LRP3: variants seen among roughly 807,000 people sequenced by gnomAD.
The protein encoded by LRP3 is LDL receptor related protein 3, also known as low-density lipoprotein receptor-related protein 3.
A neutral mutation model predicts 58.5 loss-of-function variants in LRP3; 49 were observed. The ratio of observed to expected loss-of-function variants is 0.84; its 90% CI spans 0.67 to 1.06. The LOEUF is 1.06. Among genes scored for constraint, LRP3 ranks in the 50% least tolerant of loss-of-function variants. LRP3 has a pLI of 0.00. For missense variants in LRP3, 1,019 were observed against 1,134.2 expected (o/e 0.90, Z 1.46); for synonymous variants, 485 against 492.2 (o/e 0.99, Z 0.20).
At position 33,205,932 on chromosome 19, in the gene LRP3, G is replaced by A. The variant is rs754689112; in HGVS notation, c.1162G>A (p.Asp388Asn). ...TGACAGTGACGGGGGCAGCCTGGGC[G>A]ACCAGGGCTGCTTCTCAGAGCCACA... ...SSDSDGGSLG[D>N]QGCFSEPQRC... Residue 388 changes from aspartate to asparagine, a missense_variant, in exon 5 of 7, where the codon GAC (aspartate) becomes AAC (asparagine). By Grantham distance (23) the Asp-to-Asn change is conservative. Around this residue, in one of 2 missense-constraint regions of LRP3, gnomAD observed 592 missense variants for 725.5 expected, o/e 0.82. Transcript: ENST00000253193. The A allele has an allele frequency of 1.1e-5, 17 of 1,597,474 alleles. No individual in the cohort carries two copies. The East Asian group carries it at 2.9e-4, about 28-fold the overall frequency.
chr19:33,208,324 T>C lies in LRP3; in HGVS notation c.*749T>C. The C allele has an allele frequency of 5.8e-6, 1 of 172,120 alleles. No individual in the cohort carries two copies. The highest frequency in any genetic ancestry group is 1.3e-5 in the Non-Finnish European group (1 of 79,192). 10.7% of individuals were successfully genotyped at this position (172,120 alleles called of 1,614,324 possible). On this transcript the variant is annotated 3_prime_UTR_variant, in exon 7 of 7. Coordinates refer to ENST00000253193, the MANE Select transcript of LRP3 (RefSeq NM_002333.4). The surrounding 1 kb of genome is among the most constrained non-coding windows in gnomAD (Gnocchi z 4.7). ...TAAGCCAGGGTGAGACTGTGGGCTC[T>C]GAAGTCCTGACCTTCACTCTGTGGT...
rs551470679 is a variant in LRP3, at chr19:33,205,199, G to A, written c.476-47G>A. On this transcript the variant is annotated intron_variant, in intron 4 of 6. Transcript: ENST00000253193. ...GCCCCAGGCCCCCTGGCCGAAGGGAGGCTCTTCTGTCTCCTGACTGTCCCC... is the reference window on the plus strand; with the variant it reads ...GCCCCAGGCCCCCTGGCCGAAGGGAAGCTCTTCTGTCTCCTGACTGTCCCC... 41 of 1,575,920 alleles carry A rather than the reference G, an allele frequency of 2.6e-5. No individual in the cohort carries two copies. The South Asian group carries it at 4.2e-4, about 16-fold the overall frequency.
Position 33,205,728 on chromosome 19 carries a change from CGCCTGCTGCAGACGCTGTCCT to C in LRP3, c.959_979del (p.Arg320_Tyr327delinsHis). On this transcript the variant is annotated inframe_deletion, in exon 5 of 7. Transcript: ENST00000253193. ...CGAGGGCCTGGGCGAGCGCGGGGAC[CGCCTGCTGCAGACGCTGTCCT>C]ACCGCAGCAACCACCGGCCCGTGAG... The C allele has an allele frequency of 6.3e-7, 1 of 1,599,714 alleles. No individual in the cohort carries two copies. Among genetic ancestry groups the C allele is most frequent in the South Asian group, 1.1e-5 (1 of 90,470 alleles).
intron 2 of LRP3, among the ~76,000 whole-genome samples, chr19:33,200,710 C>T (rs1372956214): frequency 6.6e-6 from 1 of 152,208 alleles, no homozygotes; most frequent in Non-Finnish European, 1.5e-5. Context: ...TATCTCCTGC[C>T]CTTCCTGGCT....
chr19:33,200,937 C>T (rs1037316485), intron 2 of LRP3, among the ~76,000 whole-genome samples: 4 of 152,176 alleles, frequency 2.6e-5, no homozygotes, highest in Admixed American at 1.3e-4. Flanking sequence ...ACGAGCTGTC[C>T]GTGGGGGTTA....
intron 2 of LRP3, among the ~76,000 whole-genome samples, chr19:33,201,836 G>T: frequency 6.6e-6 from 1 of 152,208 alleles, no homozygotes; most frequent in East Asian, 1.9e-4. Context: ...GGCAGGGCAG[G>T]CTCACCACAC....
Position 33,199,476 on chromosome 19 carries a change from A to G in LRP3, c.121+2699A>G, listed in dbSNP as rs1298865989. Among the ~76,000 whole-genome samples the G allele has an allele frequency of 1.6e-4, 7 of 43,028 alleles. 1 individual carries two copies. Among genetic ancestry groups the G allele is most frequent in the South Asian group, 1.2e-3 (2 of 1,724 alleles). The allele number at this position is 43,028 out of a possible 152,430, so 28.2% of individuals were successfully genotyped here. A position where few individuals can be genotyped will look rare whatever the true frequency, so the allele number is the denominator to read the frequency against. On this transcript the variant is annotated intron_variant, in intron 2 of 6. Transcript: ENST00000253193. ...AGACAGAGCAAGATCTTGTCTCAGAAAAAAAAAAAAAAAAAGGAGTCCCTG... is the reference window on the plus strand; with the variant it reads ...AGACAGAGCAAGATCTTGTCTCAGAGAAAAAAAAAAAAAAAGGAGTCCCTG...
rs755852125 is a variant in LRP3, at chr19:33,206,645, G to A, written c.1637G>A (p.Arg546Gln). 13 of 1,599,798 alleles carry A rather than the reference G, an allele frequency of 8.1e-6. No individual in the cohort carries two copies. In the South Asian group the frequency reaches 9.0e-5, roughly 11 times the overall value. The change falls in exon 6 of 7, where the codon CGG (arginine) becomes CAG (glutamine). Residue 546 changes from arginine to glutamine, a missense_variant. Physicochemically the swap from Arg to Gln is conservative, Grantham distance 43. Around this residue, in one of 2 missense-constraint regions of LRP3, gnomAD observed 427 missense variants for 408.6 expected, o/e 1.04. Transcript: ENST00000253193. ...ACGCGCCTGGAGGCTGAGTTCGTGC[G>A]GCGGGAGGCACCCCCATCCTATGGT... ...QMTRLEAEFVRREAPPSYGQL... is the reference protein window; with the variant it reads ...QMTRLEAEFVQREAPPSYGQL...
chr19:33,202,756 G>A, intron 2 of LRP3, 92 bp from the exon 3 acceptor site: 1 of 1,403,972 alleles, frequency 7.1e-7, no homozygotes, highest in Admixed American at 2.2e-5. Flanking sequence ...TCCCACCATG[G>A]GGGAGGCCTG....
In LRP3 at chr19:33,207,756, G is replaced by C. The variant is rs1001622358; in HGVS notation, c.*181G>C. On this transcript the variant is annotated 3_prime_UTR_variant, in exon 7 of 7. Transcript: ENST00000253193. ...GGGAGCTGTGGGACTGAACGGCGGGGGGGAGAAGAGTGGAGTGGTGAGCCC... is the reference window on the plus strand; with the variant it reads ...GGGAGCTGTGGGACTGAACGGCGGGCGGGAGAAGAGTGGAGTGGTGAGCCC... 22 of 598,812 alleles carry C rather than the reference G, an allele frequency of 3.7e-5. No individual in the cohort carries two copies. Among genetic ancestry groups the C allele is most frequent in the South Asian group, 2.6e-4 (13 of 50,420 alleles). The allele number at this position is 598,812 out of a possible 1,614,324, so 37.1% of individuals were successfully genotyped here. A position where few individuals can be genotyped will look rare whatever the true frequency, so the allele number is the denominator to read the frequency against.
rs369359063 is a variant in LRP3, at chr19:33,205,467, C to T, written c.697C>T (p.Arg233Cys). The T allele has an allele frequency of 2.1e-5, 33 of 1,584,950 alleles. No homozygotes were observed. Among genetic ancestry groups the T allele is most frequent in the Admixed American group, 5.1e-5 (3 of 58,254 alleles). The change falls in exon 5 of 7, where the codon CGC (arginine) becomes TGC (cysteine). Residue 233 changes from arginine to cysteine, a missense_variant. Physicochemically the swap from Arg to Cys is radical, Grantham distance 180 (BLOSUM62 -3). Around this residue, in one of 2 missense-constraint regions of LRP3, gnomAD observed 592 missense variants for 725.5 expected, o/e 0.82. Coordinates refer to ENST00000253193, the MANE Select transcript of LRP3 (RefSeq NM_002333.4). ...RSTRCLPVER[R>C]CDGLQDCGDG... ...CACGCGCTGCCTGCCTGTGGAGCGG[C>T]GCTGTGACGGCTTGCAGGACTGCGG...
chr19:33,199,247 TC>T (rs1300840878), intron 2 of LRP3, among the ~76,000 whole-genome samples: 10 of 152,006 alleles, frequency 6.6e-5, no homozygotes, highest in African/African-American at 2.4e-4. Context: ...TTCCTGGAGA[TC>T]CCCCTCCTCA....
chr19:33,206,802 G>A (rs989482484), intron 6 of LRP3, 69 bp downstream of exon 6: 1 of 1,453,668 alleles, frequency 6.9e-7, no homozygotes, highest in South Asian at 1.4e-5. Flanking sequence ...GGCTGGTCCA[G>A]GGGTCACAGG....
At position 33,205,569 on chromosome 19, in the gene LRP3, TC is replaced by T; in HGVS notation, c.803del (p.Pro268GlnfsTer67). 6.2e-7 allele frequency: 1 copy of T among 1,604,132 alleles called. No homozygotes were observed. On this transcript the variant is annotated frameshift_variant, in exon 5 of 7. Coordinates refer to ENST00000253193, the MANE Select transcript of LRP3 (RefSeq NM_002333.4). LOFTEE classifies it high-confidence loss of function. ...RLGSFYGSFA[S>X]PDLFGAARGP... ...GGGCAGCTTCTACGGCTCCTTTGCC[TC>T]CCCAGACCTGTTCGGCGCCGCTCGC...
chr19:33,206,917 C>A, intron 6 of LRP3, 71 bp from the exon 7 acceptor site: 1 of 1,264,554 alleles, frequency 7.9e-7, no homozygotes. Flanking sequence ...GGTGTGCTGT[C>A]TCCTGCCCCT....
At chr19:33,203,403 A>G (rs1974364896) in intron 3 of LRP3, among the ~76,000 whole-genome samples, 1 of 152,194 alleles carries the variant, frequency 6.6e-6, no homozygotes, top group Non-Finnish European at 1.5e-5. Context: ...CATAAAGGAC[A>G]CATGTGAGAG....
At position 33,194,810 on chromosome 19, in the gene LRP3, C is replaced by T. The variant is rs1199699359; in HGVS notation, c.25C>T (p.Leu9=). The change falls in exon 1 of 7, where the codon CTG becomes TTG. Residue 9 remains leucine (L), a synonymous_variant. Transcript: ENST00000253193. Reference sequence around the variant, plus strand: ...CATGGAGAAGCGCGCGGCCGCGGGGCTGGAGGGCGCGCCGGGCGCCCGGGC... The same window carrying T: ...CATGGAGAAGCGCGCGGCCGCGGGGTTGGAGGGCGCGCCGGGCGCCCGGGC... MEKRAAAG[L]EGAPGARAQL... The T allele has an allele frequency of 9.3e-7, 1 of 1,071,404 alleles. No homozygotes were observed. 66.4% of individuals were successfully genotyped at this position (1,071,404 alleles called of 1,614,324 possible).
rs1361733687 is a variant in LRP3, at chr19:33,206,644, C to T, written c.1636C>T (p.Arg546Trp). ...GACGCGCCTGGAGGCTGAGTTCGTGCGGCGGGAGGCACCCCCATCCTATGG... is the reference window on the plus strand; with the variant it reads ...GACGCGCCTGGAGGCTGAGTTCGTGTGGCGGGAGGCACCCCCATCCTATGG... ...QMTRLEAEFV[R>W]REAPPSYGQL... The change falls in exon 6 of 7, where the codon CGG becomes TGG. Residue 546 changes from arginine (R) to tryptophan (W), a missense_variant. Physicochemically the swap from Arg to Trp is moderately radical, Grantham distance 101. Transcript: ENST00000253193. 5.0e-6 allele frequency: 8 copies of T among 1,599,298 alleles called. No individual in the cohort carries two copies. The highest frequency in any genetic ancestry group is 1.3e-5 in the African/African-American group (1 of 74,446).
At chr19:33,203,640 T>C (rs933108206) in intron 3 of LRP3, among the ~76,000 whole-genome samples, 6 of 152,062 alleles carry the variant, frequency 3.9e-5, no homozygotes, top group African/African-American at 1.4e-4. Context: ...GCCTCGTTCA[T>C]GGGGTGTGGG....
Sources: gnomAD v4.1 joint callset for allele counts (sites outside exome capture counted in the v4.1 genomes callset) on GRCh38, gnomAD v4.1.1 for gene constraint, gnomAD v4.1.1 regional missense constraint, Gnocchi (gnomAD v3.1) non-coding constraint, MANE v1.5 for transcripts, NCBI Gene and HGNC (gene_info 2026-07-23, HGNC 2026-07-21) for gene names.